Variants in RCAN2 observed in about 807,000 individuals in gnomAD.
RCAN2 encodes the protein regulator of calcineurin 2.
RCAN2 carries 9 observed loss-of-function variants against 23.6 expected under a neutral mutation model. The ratio of observed to expected loss-of-function variants is 0.38; its 90% CI spans 0.23 to 0.67. RCAN2 has a LOEUF of 0.67. Ranked by LOEUF, RCAN2 falls within the 30% of genes least tolerant of loss-of-function variation. The pLI, the probability that RCAN2 is intolerant of heterozygous loss-of-function variation, is 0.51. For missense variants in RCAN2, 273 were observed against 302.3 expected, an observed-to-expected ratio of 0.90 and a Z score of 0.72; for synonymous variants, 109 against 115.7, an observed-to-expected ratio of 0.94 and a Z score of 0.37.
intron 2 of RCAN2, among the ~76,000 whole-genome samples, chr6:46,444,464 C>T (rs188802221): frequency 6.6e-6 from 1 of 152,122 alleles, no homozygotes; most frequent in Non-Finnish European, 1.5e-5. Flanking sequence ...AGACATGAGC[C>T]CCCCACAGCT....
At chr6:46,358,445 T>C (rs1764906401) in intron 2 of RCAN2, among the ~76,000 whole-genome samples, 1 of 152,126 alleles carries the variant, frequency 6.6e-6, no homozygotes, top group South Asian at 2.1e-4. Flanking sequence ...CTCCCATCCC[T>C]ACTCTTATTT....
In RCAN2 at chr6:46,386,253, A is replaced by G. The variant is rs141439075; in HGVS notation, c.225+70499T>C. On this transcript the variant is annotated intron_variant, in intron 2 of 4. Coordinates refer to ENST00000371374, the MANE Select transcript of RCAN2 (RefSeq NM_001251974.2). Reference sequence around the variant, plus strand: ...TCAAAAGACGACAGTTATGCGGCCAACAAACATGAAAAAAAGCTCAACATC... The same window carrying G: ...TCAAAAGACGACAGTTATGCGGCCAGCAAACATGAAAAAAAGCTCAACATC... Among the ~76,000 whole-genome samples the G allele has an allele frequency of 1.5e-3, 231 of 152,276 alleles. 1 individual carries two copies. Among genetic ancestry groups the G allele is most frequent in the African/African-American group, 5.2e-3 (218 of 41,560 alleles).
chr6:46,482,216 T>A (rs1469434149), intron 1 of RCAN2, among the ~76,000 whole-genome samples: 2 of 151,966 alleles, frequency 1.3e-5, no homozygotes, highest in Non-Finnish European at 2.9e-5. Context: ...ATACATTTTT[T>A]AATATTAAAA....
Position 46,276,893 on chromosome 6 carries a change from G to C in RCAN2, c.226-27997C>G, listed in dbSNP as rs150649544. On this transcript the variant is annotated intron_variant, in intron 2 of 4. Coordinates refer to ENST00000371374, the MANE Select transcript of RCAN2 (RefSeq NM_001251974.2). The stretch of plus-strand genomic sequence containing the variant: ...TCATTTTGTGAGCTAGACAGGGCTA[G>C]AGGTGAGTGGCAGCCTCCAAACAGA... Among the ~76,000 whole-genome samples the C allele has an allele frequency of 9.4e-3, 1,430 of 152,328 alleles. 22 individuals are homozygous for C. Among genetic ancestry groups the C allele is most frequent in the African/African-American group, 0.033 (1,352 of 41,560 alleles).
rs77431750 is a variant in RCAN2 at position 46,459,618 on chromosome 6, A to G, written c.-2-2640T>C. Among the ~76,000 whole-genome samples the G allele has an allele frequency of 5.0e-3, 763 of 152,344 alleles. 6 individuals are homozygous for G. Among genetic ancestry groups the G allele is most frequent in the African/African-American group, 0.018 (729 of 41,584 alleles). ...TACTTTAGAAGTCAGAGCTTTGAAC[A>G]AAGAAATTCTAATTTCTCTTTCTAG... is the stretch of plus-strand genomic sequence containing the variant. On this transcript the variant is annotated intron_variant, in intron 1 of 4. Transcript: ENST00000371374.
rs1582151168 is a variant in RCAN2 at position 46,374,268 on chromosome 6, T to C, written c.225+82484A>G. 4.6e-5 allele frequency among the ~76,000 whole-genome samples: 7 copies of C among 152,362 alleles called. No homozygotes were observed. The Middle Eastern group carries it at 0.02, about 444-fold the overall frequency. ...TACCTCCTACCAGAATACTTTCTCCTGGCTTTTCATGCTAAACAAATCCTT... is the reference window on the plus strand; with the variant it reads ...TACCTCCTACCAGAATACTTTCTCCCGGCTTTTCATGCTAAACAAATCCTT... On this transcript the variant is annotated intron_variant, in intron 2 of 4. Transcript: ENST00000371374.
intron 2 of RCAN2, among the ~76,000 whole-genome samples, chr6:46,425,245 G>C (rs1006727620): frequency 2.0e-5 from 3 of 152,168 alleles, no homozygotes; most frequent in African/African-American, 7.2e-5. Context: ...TGTATTTACT[G>C]TATTAAAAAT....
chr6:46,477,637 C>A (rs1325339394), intron 1 of RCAN2, among the ~76,000 whole-genome samples: 2 of 152,138 alleles, frequency 1.3e-5, no homozygotes, highest in African/African-American at 4.8e-5. Flanking sequence ...ATATTATCTA[C>A]TGAAAAGAGA....
intron 2 of RCAN2, among the ~76,000 whole-genome samples, chr6:46,346,025 G>T (rs551874727): frequency 6.6e-6 from 1 of 151,986 alleles, no homozygotes; most frequent in Non-Finnish European, 1.5e-5. Context: ...GTGTAAAGAT[G>T]GTAAGACCAA....
chr6:46,477,634 C>A (rs1768751214), intron 1 of RCAN2, among the ~76,000 whole-genome samples: 1 of 152,154 alleles, frequency 6.6e-6, no homozygotes, highest in African/African-American at 2.4e-5. Context: ...CAAATATTAT[C>A]TACTGAAAAG....
At chr6:46,247,986 A>C (rs960579059) in intron 3 of RCAN2, among the ~76,000 whole-genome samples, 10 of 152,242 alleles carry the variant, frequency 6.6e-5, no homozygotes, top group African/African-American at 2.2e-4. Context: ...GAATTTGAAC[A>C]TGGATGCAGG....
At chr6:46,470,279 T>G (rs1393308566) in intron 1 of RCAN2, among the ~76,000 whole-genome samples, 1 of 152,168 alleles carries the variant, frequency 6.6e-6, no homozygotes, top group Admixed American at 6.5e-5. Context: ...ATGGAAGCTA[T>G]TTATATTAGA....
At chr6:46,343,037 A>C (rs1395066944) in intron 2 of RCAN2, among the ~76,000 whole-genome samples, 1 of 152,212 alleles carries the variant, frequency 6.6e-6, no homozygotes, top group East Asian at 1.9e-4. Flanking sequence ...TCGATTAAAG[A>C]TATTAATGCA....
intron 2 of RCAN2, among the ~76,000 whole-genome samples, chr6:46,412,975 T>C (rs915782558): frequency 1.3e-5 from 2 of 152,346 alleles, no homozygotes; most frequent in East Asian, 1.9e-4. Flanking sequence ...AACAATCCCT[T>C]GGCTTTGTGT....
intron 2 of RCAN2, among the ~76,000 whole-genome samples, chr6:46,377,350 T>C (rs1765504403): frequency 6.6e-6 from 1 of 152,188 alleles, no homozygotes; most frequent in Non-Finnish European, 1.5e-5. Flanking sequence ...AAAACGGGTG[T>C]GGGCAGTGCC....
intron 2 of RCAN2, among the ~76,000 whole-genome samples, chr6:46,252,344 C>G (rs888858356): frequency 6.6e-6 from 1 of 152,198 alleles, no homozygotes; most frequent in South Asian, 2.1e-4. Context: ...CTCTGGCTCC[C>G]ATTTTTCTCC....
chr6:46,372,139 G>A (rs1157449530), intron 2 of RCAN2, among the ~76,000 whole-genome samples: 2 of 152,148 alleles, frequency 1.3e-5, no homozygotes, highest in African/African-American at 2.4e-5. Flanking sequence ...TCTTCCAGAT[G>A]GCATGCTCAT....
intron 2 of RCAN2, among the ~76,000 whole-genome samples, chr6:46,447,339 G>T (rs1030114210): frequency 6.6e-6 from 1 of 151,908 alleles, no homozygotes; most frequent in Non-Finnish European, 1.5e-5. Flanking sequence ...AATATTAATA[G>T]ATCTAGAGAG....
At chr6:46,383,177 G>A (rs1054003095) in intron 2 of RCAN2, among the ~76,000 whole-genome samples, 4 of 149,896 alleles carry the variant, frequency 2.7e-5, no homozygotes, top group African/African-American at 9.9e-5. Flanking sequence ...TAGTGTGTGT[G>A]TGTGTGTGTG....
Sources: gnomAD v4.1 joint callset for allele counts (sites outside exome capture counted in the v4.1 genomes callset) on GRCh38, gnomAD v4.1.1 for gene constraint, MANE v1.5 for transcripts, NCBI Gene and HGNC (gene_info 2026-07-23, HGNC 2026-07-21) for gene names.